Variants in CNTNAP5 observed in about 807,000 individuals in gnomAD.
CNTNAP5 encodes the protein contactin associated protein family member 5.
CNTNAP5 carries 72 observed loss-of-function variants against 150.2 expected under a neutral mutation model. That is an observed-to-expected ratio of 0.48 (90% CI 0.40 to 0.58). The LOEUF is 0.58. CNTNAP5 is among the 20% of genes least tolerant of loss of function. The pLI, the probability that CNTNAP5 is intolerant of heterozygous loss-of-function variation, is 0.00. For missense variants in CNTNAP5, 1,636 were observed against 1,626.2 expected (o/e 1.01, Z -0.10); for synonymous variants, 672 against 619.8 (o/e 1.08, Z -1.25).
intron 18 of CNTNAP5, 111 bp downstream of exon 18, chr2:124,790,252 G>A (rs1219467130): frequency 2.6e-5 from 30 of 1,165,400 alleles, no homozygotes; most frequent in Non-Finnish European, 3.1e-5. Context: ...CTACTCTCCC[G>A]CTGTTTAGAG....
intron 8 of CNTNAP5, among the ~76,000 whole-genome samples, chr2:124,508,849 T>C (rs1694477651): frequency 6.6e-6 from 1 of 152,224 alleles, no homozygotes; most frequent in Non-Finnish European, 1.5e-5. Flanking sequence ...TAACAAATAA[T>C]CAAACAAAAA....
At chr2:124,233,531 C>T (rs932665464) in intron 2 of CNTNAP5, among the ~76,000 whole-genome samples, 1 of 152,108 alleles carries the variant, frequency 6.6e-6, no homozygotes, top group African/African-American at 2.4e-5. Flanking sequence ...GTCATCTGCC[C>T]AGTCCTGAAA....
At chr2:124,683,803 C>G (rs1679124002) in intron 13 of CNTNAP5, among the ~76,000 whole-genome samples, 1 of 151,964 alleles carries the variant, frequency 6.6e-6, no homozygotes, top group Non-Finnish European at 1.5e-5. Flanking sequence ...AAGACAAAAA[C>G]AGAAAAAAAA....
intron 1 of CNTNAP5, among the ~76,000 whole-genome samples, chr2:124,085,793 GT>G (rs1472751099): frequency 6.6e-6 from 1 of 152,078 alleles, no homozygotes. Context: ...GTTTTCAAGT[GT>G]TTGAAAATTT....
intron 1 of CNTNAP5, among the ~76,000 whole-genome samples, chr2:124,032,425 T>G (rs563004820): frequency 6.6e-6 from 1 of 152,216 alleles, no homozygotes; most frequent in South Asian, 2.1e-4. Context: ...TTTTTTGCTT[T>G]AAAAAAATTA....
intron 1 of CNTNAP5, among the ~76,000 whole-genome samples, chr2:124,202,665 A>G (rs1485527556): frequency 6.6e-6 from 1 of 152,248 alleles, no homozygotes; most frequent in African/African-American, 2.4e-5. Context: ...CGATCATGGC[A>G]AAATGCAAAA....
intron 12 of CNTNAP5, among the ~76,000 whole-genome samples, chr2:124,619,784 A>G (rs1677569455): frequency 6.7e-6 from 1 of 149,168 alleles, no homozygotes; most frequent in Non-Finnish European, 1.5e-5. Flanking sequence ...TTTTGGGCAT[A>G]CTAAACCTTC....
chr2:124,505,460 A>G (rs1694381888), intron 8 of CNTNAP5, among the ~76,000 whole-genome samples: 1 of 152,210 alleles, frequency 6.6e-6, no homozygotes, highest in East Asian at 1.9e-4. Flanking sequence ...TAAAAAATAT[A>G]TATGTATACA....
intron 3 of CNTNAP5, among the ~76,000 whole-genome samples, chr2:124,274,351 G>A (rs1346170543): frequency 6.6e-6 from 1 of 152,154 alleles, no homozygotes; most frequent in Non-Finnish European, 1.5e-5. Flanking sequence ...AGGCTTGAAA[G>A]TGACCAACAG....
At chr2:124,335,003 A>T (rs1334009946) in intron 3 of CNTNAP5, among the ~76,000 whole-genome samples, 1 of 152,152 alleles carries the variant, frequency 6.6e-6, no homozygotes, top group Non-Finnish European at 1.5e-5. Flanking sequence ...GAGGTTTCCA[A>T]AAAGGGTGCA....
chr2:124,320,184 C>T (rs1176778646), intron 3 of CNTNAP5, among the ~76,000 whole-genome samples: 4 of 152,212 alleles, frequency 2.6e-5, no homozygotes, highest in South Asian at 2.1e-4. Flanking sequence ...TATAGCCTAC[C>T]TTCCCTGCAG....
intron 20 of CNTNAP5, among the ~76,000 whole-genome samples, chr2:124,867,772 C>T (rs112381900): frequency 1.2e-3 from 178 of 152,310 alleles, no homozygotes; most frequent in African/African-American, 4.3e-3. Context: ...GCTGATGAAT[C>T]AATCCTGAAT....
chr2:124,887,326 G>A (rs922809521), intron 21 of CNTNAP5, among the ~76,000 whole-genome samples: 3 of 151,978 alleles, frequency 2.0e-5, no homozygotes, highest in Non-Finnish European at 2.9e-5. Flanking sequence ...CACTTCTTCT[G>A]ATTAGTAATG....
intron 6 of CNTNAP5, among the ~76,000 whole-genome samples, chr2:124,457,899 A>G (rs1021118390): frequency 2.6e-5 from 4 of 152,070 alleles, no homozygotes; most frequent in Non-Finnish European, 4.4e-5. Flanking sequence ...CCATAATCAA[A>G]AAATCAAAAA....
At chr2:124,100,284 A>T (rs1307845347) in intron 1 of CNTNAP5, among the ~76,000 whole-genome samples, 1 of 152,046 alleles carries the variant, frequency 6.6e-6, no homozygotes, top group Non-Finnish European at 1.5e-5. Flanking sequence ...ATGAGAGTTC[A>T]CCCCTGTGAC....
chr2:124,348,483 T>G (rs1689794702), intron 3 of CNTNAP5, among the ~76,000 whole-genome samples: 1 of 152,206 alleles, frequency 6.6e-6, no homozygotes, highest in South Asian at 2.1e-4. Flanking sequence ...TTTATCAATT[T>G]GAGGAAGTTG....
At chr2:124,489,733 C>T (rs952079269) in intron 7 of CNTNAP5, among the ~76,000 whole-genome samples, 2 of 152,068 alleles carry the variant, frequency 1.3e-5, no homozygotes, top group African/African-American at 4.8e-5. Context: ...TCCAACCCTC[C>T]ATCTTCCATT....
chr2:124,898,411 G>C (rs1315403290), intron 21 of CNTNAP5, among the ~76,000 whole-genome samples: 3 of 151,210 alleles, frequency 2.0e-5, no homozygotes, highest in African/African-American at 7.4e-5. Flanking sequence ...AATTATCCTG[G>C]ATTCATTCTA....
intron 13 of CNTNAP5, among the ~76,000 whole-genome samples, chr2:124,662,558 G>A (rs1678614626): frequency 6.6e-6 from 1 of 152,166 alleles, no homozygotes; most frequent in Non-Finnish European, 1.5e-5. Flanking sequence ...ATATAAATGA[G>A]GAAATGGACA....
Sources: gnomAD v4.1 joint callset for allele counts (sites outside exome capture counted in the v4.1 genomes callset) on GRCh38, gnomAD v4.1.1 for gene constraint, MANE v1.5 for transcripts, NCBI Gene and HGNC (gene_info 2026-07-23, HGNC 2026-07-21) for gene names.